The following PHACTR2 variants were observed in gnomAD, a reference collection of about 807,000 sequenced individuals.
The protein encoded by PHACTR2 is chromosome 6 open reading frame 56.
Under a neutral mutation model 76.0 loss-of-function variants are expected in PHACTR2, and 30 were observed. The ratio of observed to expected loss-of-function variants is 0.39; its 90% CI spans 0.30 to 0.54. The LOEUF is 0.54. PHACTR2 is among the 20% of genes least tolerant of loss of function. The pLI, the probability that PHACTR2 is intolerant of heterozygous loss-of-function variation, is 0.61. For synonymous variants in PHACTR2, 292 were observed against 292.5 expected, an observed-to-expected ratio of 1.00 and a Z score of 0.02; for missense variants, 696 against 781.1, an observed-to-expected ratio of 0.89 and a Z score of 1.30.
At position 143,558,135 on chromosome 6, in the gene PHACTR2, T is replaced by A. The variant is rs1775206487; in HGVS notation, c.217+20928T>A. ...ATTTTTGCCCTGGATCCAGCGCCTA[T>A]AGATGGAAAGAGATTTATAAGAAAC... On this transcript the variant is annotated intron_variant, in intron 1 of 11. Coordinates refer to the PHACTR2 transcript ENST00000367584. The surrounding 1 kb of genome is among the most constrained non-coding windows in gnomAD (Gnocchi z 4.7). 1 of 152,066 alleles carries A rather than the reference T, an allele frequency of 6.6e-6. No individual in the cohort carries two copies. Among genetic ancestry groups the A allele is most frequent in the African/African-American group, 2.4e-5 (1 of 41,416 alleles). The allele number at this position is 152,066 out of a possible 1,614,324, so 9.4% of individuals were successfully genotyped here.
Position 143,625,882 on chromosome 6 carries a change from G to A in PHACTR2, c.13+17560G>A, listed in dbSNP as rs1377263011. On this transcript the variant is annotated intron_variant, in intron 1 of 11. Transcript: ENST00000305766. The surrounding 1 kb of genome is among the most constrained non-coding windows in gnomAD (Gnocchi z 4.3). ...GGAAGTGGTAAGAACCATGAAGAAA[G>A]GTAAAGCAGAGTGGTGGGGCAGGGA... 1.3e-5 allele frequency among the ~76,000 whole-genome samples: 2 copies of A among 152,138 alleles called. No individual in the cohort carries two copies. The highest frequency in any genetic ancestry group is 2.9e-5 in the Non-Finnish European group (2 of 68,022).
rs1156475554 is a variant in PHACTR2, at chr6:143,602,742, A to C, written c.217+65535A>C. Reference sequence around the variant, plus strand: ...CCAAACCACCTTGGCCAAAAGTCCAAACTTGTCGGAAGACTGTGTCTGATG... The same window carrying C: ...CCAAACCACCTTGGCCAAAAGTCCACACTTGTCGGAAGACTGTGTCTGATG... On this transcript the variant is annotated intron_variant, in intron 1 of 11. Transcript: ENST00000367584. This position sits in a 1 kb window ranked among gnomAD's most constrained non-coding sequence, Gnocchi z 6.1. Among the ~76,000 whole-genome samples, 1 of 152,198 alleles carries C rather than the reference A, an allele frequency of 6.6e-6. No homozygotes were observed. The highest frequency in any genetic ancestry group is 1.5e-5 in the Non-Finnish European group (1 of 68,042).
chr6:143,704,624 A>G (rs1778003027), intron 1 of PHACTR2, among the ~76,000 whole-genome samples: 1 of 152,188 alleles, frequency 6.6e-6, no homozygotes, highest in Non-Finnish European at 1.5e-5. Context: ...ATTTGTTACA[A>G]CCAAGGAACA....
At position 143,596,710 on chromosome 6, in the gene PHACTR2, T is replaced by A. The variant is rs1775759922; in HGVS notation, c.217+59503T>A. ...AAAGTTAGCTGGCTGTGGTGGTATGTGACAGTAGTCCCAGCTACTTGGGAG... is the reference window on the plus strand; with the variant it reads ...AAAGTTAGCTGGCTGTGGTGGTATGAGACAGTAGTCCCAGCTACTTGGGAG... On this transcript the variant is annotated intron_variant, in intron 1 of 11. Transcript: ENST00000367584. The surrounding 1 kb of genome is among the most constrained non-coding windows in gnomAD (Gnocchi z 4.6). Among the ~76,000 whole-genome samples, 1 of 152,044 alleles carries A rather than the reference T, an allele frequency of 6.6e-6. No individual in the cohort carries two copies. The highest frequency in any genetic ancestry group is 1.5e-5 in the Non-Finnish European group (1 of 68,008).
rs1776995909 is a variant in PHACTR2 at position 143,664,265 on chromosome 6, T to G, written c.14-47751T>G. ...TTTTCTTAGTAAATATTTTTCATAC[T>G]TTTATTTTCAGCTTTTGCTGTTTGG... On this transcript the variant is annotated intron_variant, in intron 1 of 11. Coordinates refer to the PHACTR2 transcript ENST00000305766. The surrounding 1 kb of genome is among the most constrained non-coding windows in gnomAD (Gnocchi z 5.1). Among the ~76,000 whole-genome samples, 1 of 152,160 alleles carries G rather than the reference T, an allele frequency of 6.6e-6. No homozygotes were observed.
chr6:143,796,874 T>A (rs923946827), intron 11 of PHACTR2, among the ~76,000 whole-genome samples: 15 of 152,240 alleles, frequency 9.9e-5, no homozygotes, highest in Admixed American at 9.8e-4. Flanking sequence ...TAAACATACA[T>A]GTGCATGTGT....
Position 143,750,392 on chromosome 6 carries a change from T to C in PHACTR2, c.295+1327T>C, listed in dbSNP as rs965241223. 6.6e-6 allele frequency among the ~76,000 whole-genome samples: 1 copy of C among 152,214 alleles called. No homozygotes were observed. The highest frequency in any genetic ancestry group is 2.4e-5 in the African/African-American group (1 of 41,466). ...GCTTGCAATATCAAAATTAATCCCCTGTCCAATGTCTCTGAAGGCAATAGA... is the reference window on the plus strand; with the variant it reads ...GCTTGCAATATCAAAATTAATCCCCCGTCCAATGTCTCTGAAGGCAATAGA... On this transcript the variant is annotated intron_variant, in intron 3 of 12. Coordinates refer to ENST00000440869, the MANE Select transcript of PHACTR2 (RefSeq NM_001100164.2). This position sits in a 1 kb window ranked among gnomAD's most constrained non-coding sequence, Gnocchi z 4.6.
chr6:143,561,268 C>T lies in PHACTR2; in HGVS notation c.217+24061C>T, dbSNP rs987932338. 1 of 152,472 alleles carries T rather than the reference C, an allele frequency of 6.6e-6. No homozygotes were observed. Among genetic ancestry groups the T allele is most frequent in the South Asian group, 2.1e-4 (1 of 4,832 alleles). 9.4% of individuals were successfully genotyped at this position (152,472 alleles called of 1,614,324 possible). A position where few individuals can be genotyped will look rare whatever the true frequency, so the allele number is the denominator to read the frequency against. On this transcript the variant is annotated intron_variant, in intron 1 of 11. Coordinates refer to the PHACTR2 transcript ENST00000367584. The surrounding 1 kb of genome is among the most constrained non-coding windows in gnomAD (Gnocchi z 4.1). ...TCACCCTGTGATGACAGTCTTAGCACTCAAGATGTGGTGACCTGTCGGGAA... is the reference window on the plus strand; with the variant it reads ...TCACCCTGTGATGACAGTCTTAGCATTCAAGATGTGGTGACCTGTCGGGAA...
In PHACTR2 at chr6:143,591,354, A is replaced by T. The variant is rs188902022; in HGVS notation, c.217+54147A>T. Among the ~76,000 whole-genome samples the T allele has an allele frequency of 2.6e-5, 4 of 152,204 alleles. No homozygotes were observed. Among genetic ancestry groups the T allele is most frequent in the African/African-American group, 9.7e-5 (4 of 41,446 alleles). ...ACTCTGGAATGACCCTGCATCAAGC[A>T]TGTTGAGAAAGAAAGAGAAACTTCC... On this transcript the variant is annotated intron_variant, in intron 1 of 11. Transcript: ENST00000367584. The surrounding 1 kb of genome is among the most constrained non-coding windows in gnomAD (Gnocchi z 6.4).
In PHACTR2 at chr6:143,611,296, C is replaced by A. The variant is rs934908617; in HGVS notation, c.13+2974C>A. 6.6e-6 allele frequency among the ~76,000 whole-genome samples: 1 copy of A among 152,168 alleles called. No individual in the cohort carries two copies. Among genetic ancestry groups the A allele is most frequent in the Non-Finnish European group, 1.5e-5 (1 of 68,028 alleles). ...CAGCTGCTGAGAGCCCCTGCGCCTT[C>A]ACCGTGCATTCTAGCTCAGTGGTTC... On this transcript the variant is annotated intron_variant, in intron 1 of 11. Coordinates refer to the PHACTR2 transcript ENST00000305766. This position sits in a 1 kb window ranked among gnomAD's most constrained non-coding sequence, Gnocchi z 4.4.
rs1478336699 is a variant in PHACTR2 at position 143,619,911 on chromosome 6, G to A, written c.13+11589G>A. 6.6e-6 allele frequency among the ~76,000 whole-genome samples: 1 copy of A among 152,044 alleles called. No homozygotes were observed. Among genetic ancestry groups the A allele is most frequent in the Non-Finnish European group, 1.5e-5 (1 of 68,008 alleles). On this transcript the variant is annotated intron_variant, in intron 1 of 11. Coordinates refer to the PHACTR2 transcript ENST00000305766. The surrounding 1 kb of genome is among the most constrained non-coding windows in gnomAD (Gnocchi z 4.5). Reference sequence around the variant, plus strand: ...GAGATTCTATAGTCTTCACAGCGCCGATCATGCTTGCTTGTGGTACTTACA... The same window carrying A: ...GAGATTCTATAGTCTTCACAGCGCCAATCATGCTTGCTTGTGGTACTTACA...
At position 143,550,624 on chromosome 6, in the gene PHACTR2, G is replaced by A. The variant is rs907118165; in HGVS notation, c.217+13417G>A. Among the ~76,000 whole-genome samples, 1 of 152,016 alleles carries A rather than the reference G, an allele frequency of 6.6e-6. No individual in the cohort carries two copies. The highest frequency in any genetic ancestry group is 2.4e-5 in the African/African-American group (1 of 41,416). On this transcript the variant is annotated intron_variant, in intron 1 of 11. Transcript: ENST00000367584. The surrounding 1 kb of genome is among the most constrained non-coding windows in gnomAD (Gnocchi z 4.8). Reference sequence around the variant, plus strand: ...ACAAAAAATATTTTGCTTCAAGAGTGTCCATATGAATTGGCTTCTGGGACT... The same window carrying A: ...ACAAAAAATATTTTGCTTCAAGAGTATCCATATGAATTGGCTTCTGGGACT...
At chr6:143,798,324 T>C (rs957144279) in intron 11 of PHACTR2, among the ~76,000 whole-genome samples, 1 of 152,252 alleles carries the variant, frequency 6.6e-6, no homozygotes, top group African/African-American at 2.4e-5. Context: ...TTTCCAAATA[T>C]ACAGTCATGT....
At chr6:143,577,765 G>A (rs1004601724) in intron 1 of PHACTR2, among the ~76,000 whole-genome samples, 24 of 128,454 alleles carry the variant, frequency 1.9e-4, no homozygotes, top group African/African-American at 4.0e-4. Context: ...TAACCATATC[G>A]TCGATGGAAA....
intron 1 of PHACTR2, among the ~76,000 whole-genome samples, chr6:143,685,960 C>T (rs558279000): frequency 1.3e-5 from 2 of 151,796 alleles, no homozygotes; most frequent in Non-Finnish European, 2.9e-5. Context: ...GGTGAAACCC[C>T]GTCTCTATTA....
At position 143,783,005 on chromosome 6, in the gene PHACTR2, A is replaced by ATGTG. The variant is rs144077213; in HGVS notation, c.1646-186_1646-183dup. Among the ~76,000 whole-genome samples, 91,455 of 146,020 alleles carry ATGTG rather than the reference A, an allele frequency of 0.63. 29,119 individuals are homozygous for ATGTG. Among genetic ancestry groups the ATGTG allele is most frequent in the East Asian group, 0.73 (3,618 of 4,928 alleles). On this transcript the variant is annotated intron_variant, in intron 9 of 12. Transcript: ENST00000440869. The surrounding 1 kb of genome is among the most constrained non-coding windows in gnomAD (Gnocchi z 5.2). The stretch of plus-strand genomic sequence containing the variant: ...AGCAAACCAGTCCTACAAAAAAAGC[A>ATGTG]TGTGTGTGTGTGTGTGTGTGTGTGT...
intron 1 of PHACTR2, among the ~76,000 whole-genome samples, chr6:143,593,824 A>T (rs1429257971): frequency 6.6e-6 from 1 of 152,190 alleles, no homozygotes; most frequent in Non-Finnish European, 1.5e-5. Context: ...ATGTTATCTC[A>T]CTTCAAAAAC....
chr6:143,771,194 GTATATATATATATATATATA>G lies in PHACTR2; in HGVS notation c.1233-1042_1233-1023del, dbSNP rs769993035. On this transcript the variant is annotated intron_variant, in intron 6 of 12. Transcript: ENST00000440869. ...TATATGTATATATATATATATGTGT[GTATATATATATATATATATA>G]TATATATATATATATATATATGCTT... 2.8e-3 allele frequency among the ~76,000 whole-genome samples: 114 copies of G among 40,472 alleles called. 4 individuals carry two copies. The highest frequency in any genetic ancestry group is 0.024 in the South Asian group (30 of 1,256). 26.6% of individuals were successfully genotyped at this position (40,472 alleles called of 152,430 possible). A position where few individuals can be genotyped will look rare whatever the true frequency, so the allele number is the denominator to read the frequency against.
intron 1 of PHACTR2, among the ~76,000 whole-genome samples, chr6:143,690,026 TATC>T (rs1445795505): frequency 1.3e-5 from 2 of 152,228 alleles, no homozygotes; most frequent in Non-Finnish European, 2.9e-5. Flanking sequence ...TTTTTGATTT[TATC>T]AGTCATCCAT....
Sources: allele counts gnomAD v4.1 joint callset (sites outside exome capture counted in the v4.1 genomes callset), GRCh38; gene constraint gnomAD v4.1.1; non-coding constraint Gnocchi (gnomAD v3.1); transcripts MANE v1.5; gene names NCBI Gene and HGNC (gene_info 2026-07-23, HGNC 2026-07-21).